Variants in SAMD5 observed in about 807,000 individuals in gnomAD.
SAMD5 encodes the protein sterile alpha motif domain containing 5.
SAMD5 carries 13 observed loss-of-function variants against 11.3 expected under a neutral mutation model. That is an observed-to-expected ratio of 1.15 (90% CI 0.75 to 1.83). SAMD5 has a LOEUF of 1.83. Ranked by LOEUF, SAMD5 falls within the 40% of genes most tolerant of loss-of-function variation. The pLI, the probability that SAMD5 is intolerant of heterozygous loss-of-function variation, is 0.00. For synonymous variants in SAMD5, 129 were observed against 111.3 expected, an observed-to-expected ratio of 1.16 and a Z score of -1.00; for missense variants, 255 against 239.1, an observed-to-expected ratio of 1.07 and a Z score of -0.44.
At chr6:147,655,127 C>T (rs12661689) in intron 1 of SAMD5, among the ~76,000 whole-genome samples, 13,544 of 152,220 alleles carry the variant, frequency 0.089, 894 homozygotes, top group East Asian at 0.26. Flanking sequence ...GTTGGTTCCT[C>T]TTAATGTTTC....
chr6:147,654,995 CAT>C (rs1335214925), intron 1 of SAMD5, among the ~76,000 whole-genome samples: 1 of 152,160 alleles, frequency 6.6e-6, no homozygotes, highest in Admixed American at 6.5e-5. Flanking sequence ...TGATTCACCA[CAT>C]GTGTGTTTAG....
the SAMD5 span, among the ~76,000 whole-genome samples, chr6:147,848,998 G>T: frequency 6.6e-6 from 1 of 152,144 alleles, no homozygotes. Context: ...TTTGCAGGCA[G>T]TAAAGGCTGT....
At chr6:147,826,856 T>C in the SAMD5 span, among the ~76,000 whole-genome samples, 1 of 152,168 alleles carries the variant, frequency 6.6e-6, no homozygotes, top group Non-Finnish European at 1.5e-5. Flanking sequence ...TTGTTGCAGG[T>C]AGGCTAGCAT....
chr6:147,544,293 A>G (rs1788651489), intron 1 of SAMD5, among the ~76,000 whole-genome samples: 1 of 152,242 alleles, frequency 6.6e-6, no homozygotes, highest in South Asian at 2.1e-4. Context: ...ATTTTCCCAC[A>G]TAACCAATCA....
the SAMD5 span, among the ~76,000 whole-genome samples, chr6:147,821,742 G>A: frequency 6.6e-6 from 1 of 152,114 alleles, no homozygotes; most frequent in Non-Finnish European, 1.5e-5. Context: ...CTTTAAAAAC[G>A]GCATTAACTT....
At chr6:147,534,084 A>G (rs895288223) in intron 1 of SAMD5, among the ~76,000 whole-genome samples, 7 of 152,154 alleles carry the variant, frequency 4.6e-5, no homozygotes, top group African/African-American at 1.7e-4. Flanking sequence ...ATCTCCTCCC[A>G]CAGTGTGGAC....
the SAMD5 span, among the ~76,000 whole-genome samples, chr6:147,888,188 A>G: frequency 6.6e-6 from 1 of 152,130 alleles, no homozygotes; most frequent in African/African-American, 2.4e-5. Context: ...TTTATAGATC[A>G]TGCTTTTGGC....
the SAMD5 span, among the ~76,000 whole-genome samples, chr6:147,916,117 G>A: frequency 2.0e-5 from 3 of 152,076 alleles, no homozygotes; most frequent in East Asian, 3.9e-4. Context: ...ATTCCATGGT[G>A]TATAGGTGCC....
At chr6:147,682,487 A>C (rs1790954294) in intron 1 of SAMD5, among the ~76,000 whole-genome samples, 1 of 152,110 alleles carries the variant, frequency 6.6e-6, no homozygotes, top group African/African-American at 2.4e-5. Flanking sequence ...GGTGCACCCG[A>C]GAGGATTTAG....
At chr6:147,809,646 A>G in the SAMD5 span, among the ~76,000 whole-genome samples, 2 of 152,216 alleles carry the variant, frequency 1.3e-5, no homozygotes, top group African/African-American at 2.4e-5. Context: ...TCTTTCTTCC[A>G]TTGGCCAATG....
At chr6:147,753,750 A>T in the SAMD5 span, among the ~76,000 whole-genome samples, 1 of 150,634 alleles carries the variant, frequency 6.6e-6, no homozygotes, top group Non-Finnish European at 1.5e-5. Flanking sequence ...TCTACTCTCT[A>T]TGTCCATGAG....
At chr6:147,673,233 A>G (rs1276722515) in intron 1 of SAMD5, among the ~76,000 whole-genome samples, 1 of 147,646 alleles carries the variant, frequency 6.8e-6, no homozygotes, top group South Asian at 2.1e-4. Context: ...TTTTTTTTTG[A>G]TACAGAGTCT....
intron 1 of SAMD5, among the ~76,000 whole-genome samples, chr6:147,704,915 G>A (rs1791304647): frequency 6.6e-6 from 1 of 152,198 alleles, no homozygotes; most frequent in Non-Finnish European, 1.5e-5. Flanking sequence ...ACTCGAACTT[G>A]TCATCCCCAG....
chr6:147,602,918 G>A (rs118033237), intron 1 of SAMD5, among the ~76,000 whole-genome samples: 3,651 of 152,264 alleles, frequency 0.024, 66 homozygotes, highest in Non-Finnish European at 0.04. Context: ...GAGGGATGCT[G>A]AAAGCACAAC....
chr6:147,727,866 T>C (rs1271913425), intron 1 of SAMD5, among the ~76,000 whole-genome samples: 2 of 152,148 alleles, frequency 1.3e-5, no homozygotes, highest in African/African-American at 4.8e-5. Context: ...ACAAACTAAT[T>C]GACCACATTC....
At chr6:147,644,939 T>TCAA (rs1790374439) in intron 1 of SAMD5, among the ~76,000 whole-genome samples, 1 of 152,182 alleles carries the variant, frequency 6.6e-6, no homozygotes, top group African/African-American at 2.4e-5. Context: ...TTGAGTTTGT[T>TCAA]GTTGAAGCAT....
chr6:147,712,093 T>C (rs908706360), intron 1 of SAMD5, among the ~76,000 whole-genome samples: 5 of 152,250 alleles, frequency 3.3e-5, no homozygotes, highest in Admixed American at 6.5e-5. Flanking sequence ...ATAATAGTTA[T>C]TAAAATGCAT....
the SAMD5 span, among the ~76,000 whole-genome samples, chr6:147,795,956 C>G: frequency 6.6e-6 from 1 of 150,400 alleles, no homozygotes; most frequent in Non-Finnish European, 1.5e-5. Context: ...ATTGTAGATT[C>G]TGGATATTAG....
the SAMD5 span, among the ~76,000 whole-genome samples, chr6:147,862,149 T>TGTTTA: frequency 6.6e-6 from 1 of 152,250 alleles, no homozygotes; most frequent in Middle Eastern, 3.4e-3. Flanking sequence ...ATTTGTTTCT[T>TGTTTA]GTTTAGTTTT....
Sources: gnomAD v4.1 joint callset for allele counts (sites outside exome capture counted in the v4.1 genomes callset) on GRCh38, gnomAD v4.1.1 for gene constraint, MANE v1.5 for transcripts, NCBI Gene and HGNC (gene_info 2026-07-23, HGNC 2026-07-21) for gene names.